The following SNX29 variants were observed in gnomAD, a reference collection of about 807,000 sequenced individuals.
SNX29 encodes the protein sorting nexin 29.
A neutral mutation model predicts 102.1 loss-of-function variants in SNX29; 78 were observed. The ratio of observed to expected loss-of-function variants is 0.76; its 90% confidence interval spans 0.64 to 0.92. SNX29 has a LOEUF of 0.92. SNX29 is among the 40% of genes least tolerant of loss of function. The pLI is 0.00. For missense variants in SNX29, 1,280 were observed against 1,061.7 expected (o/e 1.21, Z -2.86); for synonymous variants, 580 against 414.5 (o/e 1.40, Z -4.85).
intron 13 of SNX29, among the ~76,000 whole-genome samples, chr16:12,148,016 G>C (rs350224): frequency 0.21 from 31,943 of 152,136 alleles, 4,522 homozygotes; most frequent in African/African-American, 0.4. Context: ...ACCAGAGTTC[G>C]CTGAATTCGT....
intron 14 of SNX29, among the ~76,000 whole-genome samples, chr16:12,206,743 C>T (rs955798077): frequency 1.3e-5 from 2 of 151,432 alleles, no homozygotes; most frequent in Non-Finnish European, 2.9e-5. Flanking sequence ...AATGGAGTCA[C>T]CTGGGAAATT....
intron 15 of SNX29, among the ~76,000 whole-genome samples, chr16:12,327,144 A>C (rs1024144004): frequency 6.6e-6 from 1 of 151,840 alleles, no homozygotes; most frequent in Admixed American, 6.6e-5. Flanking sequence ...TCAATAAAAC[A>C]GTCCCCCTGG....
chr16:12,528,431 C>G (rs2076844807), intron 20 of SNX29, among the ~76,000 whole-genome samples: 1 of 152,096 alleles, frequency 6.6e-6, no homozygotes, highest in South Asian at 2.1e-4. Context: ...GACTCCTGAC[C>G]TCAGGTGATC....
intron 19 of SNX29, among the ~76,000 whole-genome samples, chr16:12,480,682 C>G (rs1330556437): frequency 1.3e-5 from 2 of 152,182 alleles, no homozygotes; most frequent in Non-Finnish European, 2.9e-5. Flanking sequence ...CCTGCCTCCT[C>G]AAGCCCCCCA....
At chr16:12,565,833 C>T (rs1019452431) in intron 20 of SNX29, among the ~76,000 whole-genome samples, 2 of 152,210 alleles carry the variant, frequency 1.3e-5, no homozygotes, top group African/African-American at 2.4e-5. Flanking sequence ...TCACCCTCCA[C>T]ACCTCTGCCT....
At chr16:12,313,252 G>A (rs555951471) in intron 15 of SNX29, among the ~76,000 whole-genome samples, 190 of 152,244 alleles carry the variant, frequency 1.2e-3, no homozygotes, top group African/African-American at 4.4e-3. Context: ...AACCTTAGAT[G>A]ATCCACCTGC....
chr16:12,303,853 C>T (rs2080256720), intron 15 of SNX29, among the ~76,000 whole-genome samples: 1 of 152,198 alleles, frequency 6.6e-6, no homozygotes, highest in Admixed American at 6.5e-5. Flanking sequence ...CAGCTGAGTC[C>T]TTGAGAATGA....
intron 11 of SNX29, among the ~76,000 whole-genome samples, chr16:12,091,042 A>AAAAAAAAAAAG (rs1567198544): frequency 1.1e-5 from 1 of 90,956 alleles, no homozygotes; most frequent in Non-Finnish European, 2.3e-5. Context: ...AAAAAAAGAA[A>AAAAAAAAAAAG]GAAAAAGAAA....
intron 15 of SNX29, among the ~76,000 whole-genome samples, chr16:12,348,631 C>T (rs564974385): frequency 6.6e-6 from 1 of 152,330 alleles, no homozygotes; most frequent in Non-Finnish European, 1.5e-5. Context: ...TCCAGGTCCT[C>T]TGCTCTTCAC....
chr16:12,156,719 G>A (rs2055566867), intron 13 of SNX29, among the ~76,000 whole-genome samples: 1 of 152,244 alleles, frequency 6.6e-6, no homozygotes, highest in African/African-American at 2.4e-5. Context: ...TTAGCAAATG[G>A]CTGTCCAGCC....
In SNX29 at chr16:12,572,405, G is replaced by A. The variant is rs546580330; in HGVS notation, c.*3776G>A. 53 of 1,063,536 alleles carry A rather than the reference G, an allele frequency of 5.0e-5. No homozygotes were observed. In the South Asian group the frequency reaches 2.1e-3, roughly 43 times the overall value. 65.9% of individuals were successfully genotyped at this position (1,063,536 alleles called of 1,614,324 possible). On this transcript the variant is annotated 3_prime_UTR_variant, in exon 21 of 21. Transcript: ENST00000566228. ...TTATATCCCAACAGCCTGAGGCAGG[G>A]CTCTGTGGCCCAGGCCGGCAGTGGC...
At chr16:12,522,571 G>T (rs965065791) in intron 19 of SNX29, among the ~76,000 whole-genome samples, 1 of 152,168 alleles carries the variant, frequency 6.6e-6, no homozygotes, top group Non-Finnish European at 1.5e-5. Flanking sequence ...CCTCCTTGCT[G>T]TTCTCATGAC....
chr16:11,998,230 AG>A (rs1382995946), intron 1 of SNX29, among the ~76,000 whole-genome samples: 1 of 152,182 alleles, frequency 6.6e-6, no homozygotes, highest in East Asian at 1.9e-4. Flanking sequence ...ACTGAATTTC[AG>A]TATCCTTTGA....
At chr16:11,993,271 C>T (rs1008869234) in intron 1 of SNX29, among the ~76,000 whole-genome samples, 3 of 152,236 alleles carry the variant, frequency 2.0e-5, no homozygotes, top group African/African-American at 7.2e-5. Flanking sequence ...TCCAGGGTTG[C>T]GAGGGTTAAA....
intron 20 of SNX29, among the ~76,000 whole-genome samples, chr16:12,535,826 G>A (rs2077060836): frequency 6.6e-6 from 1 of 152,092 alleles, no homozygotes; most frequent in African/African-American, 2.4e-5. Context: ...CGCCACTTTG[G>A]CCTCTCAGTG....
intron 16 of SNX29, among the ~76,000 whole-genome samples, chr16:12,376,397 C>A (rs928237752): frequency 3.3e-5 from 5 of 152,154 alleles, no homozygotes; most frequent in Admixed American, 2.0e-4. Context: ...ATTACTGCTT[C>A]CCTGTAATTG....
At chr16:12,441,213 G>C (rs374208307) in intron 18 of SNX29, among the ~76,000 whole-genome samples, 1 of 149,660 alleles carries the variant, frequency 6.7e-6, no homozygotes, top group Non-Finnish European at 1.5e-5. Context: ...TCAGCCTCCC[G>C]AGTAGTTGGG....
chr16:12,155,129 C>A (rs144023927), intron 13 of SNX29, among the ~76,000 whole-genome samples: 1 of 152,114 alleles, frequency 6.6e-6, no homozygotes, highest in Non-Finnish European at 1.5e-5. Context: ...GTCCTGCCCC[C>A]GTTGGTTGCC....
chr16:12,241,374 T>C (rs2078099724), intron 14 of SNX29, among the ~76,000 whole-genome samples: 1 of 152,222 alleles, frequency 6.6e-6, no homozygotes, highest in Non-Finnish European at 1.5e-5. Flanking sequence ...AGTTTTGTCT[T>C]GATCAGACAA....
Sources: gnomAD v4.1 joint callset for allele counts (sites outside exome capture counted in the v4.1 genomes callset) on GRCh38, gnomAD v4.1.1 for gene constraint, MANE v1.5 for transcripts, NCBI Gene and HGNC (gene_info 2026-07-23, HGNC 2026-07-21) for gene names.